Variants in MYH6 observed in about 807,000 individuals in gnomAD.
MYH6 encodes myosin heavy chain 6.
Under a neutral mutation model 223.2 loss-of-function variants are expected in MYH6, and 126 were observed. That is an observed-to-expected ratio of 0.56 (90% CI 0.49 to 0.65). The LOEUF (loss-of-function observed/expected upper bound fraction) is 0.65. Ranked by LOEUF, MYH6 falls within the 30% of genes least tolerant of loss-of-function variation. The probability of loss-of-function intolerance (pLI) is 0.00; values close to 1 mark genes in which losing one functional copy is unlikely to be tolerated. For synonymous variants in MYH6, 978 were observed against 1,010.2 expected, an observed-to-expected ratio of 0.97 and a Z score of 0.61; for missense variants, 2,040 against 2,536.4, an observed-to-expected ratio of 0.80 and a Z score of 4.20.
At position 23,400,345 on chromosome 14, in the gene MYH6, C is replaced by T. The variant is rs375142167; in HGVS notation, c.1492G>A (p.Glu498Lys). 2.1e-5 allele frequency: 34 copies of T among 1,614,080 alleles called. No homozygotes were observed. The highest frequency in any genetic ancestry group is 2.9e-5 in the Non-Finnish European group (34 of 1,180,050). ...CCCTCCTTCTTGTACTCCTCCTGCT[C>T]CAGCACGAACATGTGGTGGTTGAAG... Reference protein sequence around the residue: ...QFFNHHMFVLEQEEYKKEGIE... With the variant: ...QFFNHHMFVLKQEEYKKEGIE... The change falls in exon 14 of 39, where the codon GAG becomes AAG. Residue 498 changes from glutamate to lysine, a missense_variant. Glu to Lys is a moderately conservative substitution (Grantham distance 56, BLOSUM62 1). This residue lies in a region of MYH6 where 649 missense variants were observed against 877.3 expected (regional missense o/e 0.74). Transcript: ENST00000405093.
At chr14:23,383,341 G>GGGGGGGGGGCCCCCCCCCCCCCCCC in intron 36 of MYH6, 21 bp from the exon 37 acceptor site, 1 of 556,564 alleles carries the variant, frequency 1.8e-6, no homozygotes. Flanking sequence ...GAGGGTGGGA[G>GGGGGGGGGGCCCCCCCCCCCCCCCC]AAGCTGGTTT....
intron 7 of MYH6, 99 bp from the exon 8 acceptor site, chr14:23,404,487 C>G: frequency 7.0e-7 from 1 of 1,429,450 alleles, no homozygotes; most frequent in Non-Finnish European, 9.9e-7. Flanking sequence ...AATGGGGGTG[C>G]GGGGCTGGGT....
chr14:23,392,397 A>G (rs1206035885), intron 25 of MYH6, among the ~76,000 whole-genome samples, 165 bp downstream of exon 25: 6 of 152,042 alleles, frequency 3.9e-5, no homozygotes, highest in Non-Finnish European at 5.9e-5. Flanking sequence ...TTCTTGCTCT[A>G]TGGGGGAAGG....
intron 34 of MYH6, 58 bp from the exon 35 acceptor site, chr14:23,385,099 A>G: frequency 6.2e-7 from 1 of 1,609,088 alleles, no homozygotes; most frequent in Non-Finnish European, 8.5e-7. Flanking sequence ...ACCTGATTTC[A>G]TACCCTTTCT....
At chr14:23,385,734 A>G (rs1171947346) in intron 34 of MYH6, among the ~76,000 whole-genome samples, 194 bp downstream of exon 34, 1 of 152,048 alleles carries the variant, frequency 6.6e-6, no homozygotes, top group Non-Finnish European at 1.5e-5. Flanking sequence ...ATCAATCATG[A>G]CCCTCTTAGC....
chr14:23,405,911 C>A lies in MYH6; in HGVS notation c.202-141G>T. ...CTGACCAGTGCCCCGGCCCCTACCC[C>A]GATGTCCCCTGGGACACTTTCCCCA... On this transcript the variant is annotated intron_variant, in intron 3 of 38. Transcript: ENST00000405093. The surrounding 1 kb of genome is among the most constrained non-coding windows in gnomAD (Gnocchi z 4.7). 1 of 1,003,138 alleles carries A rather than the reference C, an allele frequency of 1.0e-6. No individual in the cohort carries two copies. Among genetic ancestry groups the A allele is most frequent in the South Asian group, 1.3e-5 (1 of 74,272 alleles). The allele number at this position is 1,003,138 out of a possible 1,614,324, so 62.1% of individuals were successfully genotyped here.
rs770629886 is a variant in MYH6, at chr14:23,394,206, C to T, written c.2547G>A (p.Lys849=). The change falls in exon 21 of 39, where the codon AAG becomes AAA. Residue 849 remains lysine, a synonymous_variant. Coordinates refer to ENST00000405093, the MANE Select transcript of MYH6 (RefSeq NM_002471.4). ...KPLLKSAETE[K]EMATMKEEFG... ...ACTCTTCCTTCATGGTGGCCATCTC[C>T]TTCTCCGTCTCTGCGCTCTTCAGCA... 1.3e-5 allele frequency: 21 copies of T among 1,614,132 alleles called. No individual in the cohort carries two copies. Among genetic ancestry groups the T allele is most frequent in the South Asian group, 1.2e-4 (11 of 91,088 alleles).
At chr14:23,382,374 T>G in intron 38 of MYH6, 54 bp downstream of exon 38, 1 of 1,612,034 alleles carries the variant, frequency 6.2e-7, no homozygotes, top group Non-Finnish European at 8.5e-7. Flanking sequence ...GGCACCCATA[T>G]CAGGGGGCAT....
Position 23,389,397 on chromosome 14 carries a change from CCCT to C in MYH6, c.3971_3973del (p.Glu1324del). Reference sequence around the variant, plus strand: ...ACCCTCCCCACTGGGCCTCACCTTGCCCTCCTCCTCCAGCTGCCTTTTGAGGTC... The same window carrying C: ...ACCCTCCCCACTGGGCCTCACCTTGCCCTCCTCCAGCTGCCTTTTGAGGTC... On this transcript the variant is annotated inframe_deletion, in exon 28 of 39. Coordinates refer to ENST00000405093, the MANE Select transcript of MYH6 (RefSeq NM_002471.4). 6.8e-6 allele frequency: 11 copies of C among 1,614,180 alleles called. No individual in the cohort carries two copies. Among genetic ancestry groups the C allele is most frequent in the Non-Finnish European group, 9.3e-6 (11 of 1,180,024 alleles).
At chr14:23,404,927 C>G in intron 6 of MYH6, 105 bp from the exon 7 acceptor site, 3 of 1,481,736 alleles carry the variant, frequency 2.0e-6, no homozygotes, top group South Asian at 2.3e-5. Context: ...GAGCCCAGCA[C>G]CCAGCAGGAT....
chr14:23,390,652 G>A (rs927639215), intron 25 of MYH6, among the ~76,000 whole-genome samples: 1 of 152,164 alleles, frequency 6.6e-6, no homozygotes, highest in Non-Finnish European at 1.5e-5. Flanking sequence ...GTAGGGGCCA[G>A]GGATGCTACT....
chr14:23,395,460 G>A (rs1595057739), intron 20 of MYH6, among the ~76,000 whole-genome samples: 1 of 152,034 alleles, frequency 6.6e-6, no homozygotes, highest in East Asian at 1.9e-4. Flanking sequence ...TTCATGTCAT[G>A]GTGTACATGT....
In MYH6 at chr14:23,400,746, A is replaced by G. The variant is rs774807696; in HGVS notation, c.1373T>C (p.Ile458Thr). 9.9e-6 allele frequency: 16 copies of G among 1,614,132 alleles called. No homozygotes were observed. Among genetic ancestry groups the G allele is most frequent in the East Asian group, 4.5e-5 (2 of 44,898 alleles). The stretch of plus-strand genomic sequence containing the variant: ...GAAGCCAGCGATGTCCAGGACTCCT[A>G]TGAAGTACTGGCGTGGCTGCTTGGT... ...LETKQPRQYF[I>T]GVLDIAGFEI... Residue 458 changes from isoleucine (I) to threonine (T), a missense_variant, in exon 13 of 39, where the codon ATA becomes ACA. Physicochemically the swap from Ile to Thr is moderately conservative, Grantham distance 89 (BLOSUM62 -1). Transcript: ENST00000405093.
At position 23,388,776 on chromosome 14, in the gene MYH6, A is replaced by G. The variant is rs1407109374; in HGVS notation, c.4175+83T>C. Reference sequence around the variant, plus strand: ...CTCCTGTCTCTTCCACTTCCGTCTCATGACCACTTTGCCTGTCCCCACCCC... The same window carrying G: ...CTCCTGTCTCTTCCACTTCCGTCTCGTGACCACTTTGCCTGTCCCCACCCC... On this transcript the variant is annotated intron_variant, in intron 29 of 38. Transcript: ENST00000405093. 3.1e-6 allele frequency: 5 copies of G among 1,597,026 alleles called. No individual in the cohort carries two copies. In the Admixed American group the frequency reaches 5.0e-5, roughly 16 times the overall value.
Position 23,388,547 on chromosome 14 carries a change from G to A in MYH6, c.4176-209C>T, listed in dbSNP as rs1184562430. The A allele has an allele frequency of 3.3e-6, 3 of 901,654 alleles. No individual in the cohort carries two copies. In the Admixed American group the frequency reaches 5.1e-5, roughly 15 times the overall value. The allele number at this position is 901,654 out of a possible 1,614,324, so 55.9% of individuals were successfully genotyped here. The stretch of plus-strand genomic sequence containing the variant: ...TACCTGCAGTGGCATCTGGGTGTCA[G>A]TGCCCCCTGCCCTCACCCCCCACAC... On this transcript the variant is annotated intron_variant, in intron 29 of 38. Coordinates refer to ENST00000405093, the MANE Select transcript of MYH6 (RefSeq NM_002471.4).
In MYH6 at chr14:23,392,655, GCA is replaced by G; in HGVS notation, c.3252-5_3252-4del. 6.7e-7 allele frequency: 1 copy of G among 1,498,340 alleles called. No homozygotes were observed. The highest frequency in any genetic ancestry group is 9.3e-7 in the Non-Finnish European group (1 of 1,077,508). 92.8% of individuals were successfully genotyped at this position (1,498,340 alleles called of 1,614,324 possible). ...GCTGATTAATGTCAAACTCCTTCCT[GCA>G]GGAGAAGGGTGGGGGTGGGGGAGTG... On this transcript the variant is annotated splice_polypyrimidine_tract_variant and splice_region_variant and intron_variant, in intron 24 of 38. Transcript: ENST00000405093.
intron 37 of MYH6, 73 bp from the exon 38 acceptor site, chr14:23,382,635 G>C: frequency 6.2e-7 from 1 of 1,611,442 alleles, no homozygotes; most frequent in Non-Finnish European, 8.5e-7. Context: ...TCAACCTGAG[G>C]TTCCAGCTCC....
Position 23,383,329 on chromosome 14 carries a change from G to A in MYH6, c.5566-9C>T, listed in dbSNP as rs758869144. 4.7e-6 allele frequency: 3 copies of A among 641,282 alleles called. No individual in the cohort carries two copies. Among genetic ancestry groups the A allele is most frequent in the Non-Finnish European group, 8.2e-6 (3 of 367,740 alleles). 39.7% of individuals were successfully genotyped at this position (641,282 alleles called of 1,614,324 possible). ...TTTTTGTCTTCCTCTGTCTGGGGGT[G>A]GGAGGGTGGGAGAAGCTGGTTTGGA... On this transcript the variant is annotated splice_polypyrimidine_tract_variant and intron_variant, in intron 36 of 38. Transcript: ENST00000405093.
In MYH6 at chr14:23,405,651, C is replaced by T. The variant is rs765093721; in HGVS notation, c.321G>A (p.Glu107=). The T allele has an allele frequency of 3.1e-6, 5 of 1,614,186 alleles. No individual in the cohort carries two copies. Among genetic ancestry groups the T allele is most frequent in the Non-Finnish European group, 4.2e-6 (5 of 1,180,024 alleles). Residue 107 remains glutamate, a synonymous_variant, in exon 4 of 39, where the codon GAG becomes GAA. Transcript: ENST00000405093. This position sits in a 1 kb window ranked among gnomAD's most constrained non-coding sequence, Gnocchi z 4.7. ...HEPAVLFNLK[E]RYAAWMIYTY... is the part of the protein sequence containing the mutation. ...CATATATCATCCAGGCCGCGTAGCG[C>T]TCCTTGAGGTTGAAAAGCACCGCGG...
Sources: allele counts gnomAD v4.1 joint callset (sites outside exome capture counted in the v4.1 genomes callset), GRCh38; gene constraint gnomAD v4.1.1; regional missense constraint gnomAD v4.1.1; non-coding constraint Gnocchi (gnomAD v3.1); transcripts MANE v1.5; gene names NCBI Gene and HGNC (gene_info 2026-07-23, HGNC 2026-07-21).